The following APBB2 variants were observed in gnomAD, a reference collection of about 807,000 sequenced individuals.
The protein encoded by APBB2 is amyloid beta precursor protein binding family B member 2.
A neutral mutation model predicts 82.5 loss-of-function variants in APBB2; 38 were observed. The observed-to-expected ratio is 0.46, with a 90% confidence interval of 0.36 to 0.60. The LOEUF (loss-of-function observed/expected upper bound fraction) is 0.60. APBB2 is among the 20% of genes least tolerant of loss of function. The probability of loss-of-function intolerance (pLI) is 0.00; values close to 1 mark genes in which losing one functional copy is unlikely to be tolerated. For missense variants in APBB2, 772 were observed against 972.3 expected (o/e 0.79, Z 2.74); for synonymous variants, 341 against 368.2 (o/e 0.93, Z 0.85).
chr4:41,144,469 T>C (rs576702362), intron 1 of APBB2, among the ~76,000 whole-genome samples: 1 of 152,346 alleles, frequency 6.6e-6, no homozygotes, highest in Admixed American at 6.5e-5. Context: ...TTTTCCAAAT[T>C]TTCTACAATT....
chr4:40,931,785 A>T (rs551430571), intron 10 of APBB2, among the ~76,000 whole-genome samples: 21 of 149,118 alleles, frequency 1.4e-4, no homozygotes, highest in African/African-American at 5.2e-4. Flanking sequence ...TTATTCTCTT[A>T]TATTTTCTGT....
chr4:41,000,491 A>G (rs1174830126), intron 6 of APBB2, among the ~76,000 whole-genome samples: 1 of 152,162 alleles, frequency 6.6e-6, no homozygotes, highest in Non-Finnish European at 1.5e-5. Context: ...AGGAACCTGG[A>G]GCTCACAGGT....
At chr4:40,838,758 C>T (rs1047412232) in intron 12 of APBB2, among the ~76,000 whole-genome samples, 16 of 152,188 alleles carry the variant, frequency 1.1e-4, no homozygotes, top group African/African-American at 3.9e-4. Context: ...CGTGAGCCAC[C>T]ATGCCTGGCA....
At chr4:41,105,623 G>A (rs1299232705) in intron 2 of APBB2, among the ~76,000 whole-genome samples, 1 of 152,142 alleles carries the variant, frequency 6.6e-6, no homozygotes, top group Non-Finnish European at 1.5e-5. Context: ...AGTGGCTCAC[G>A]CCTGTAATCC....
intron 2 of APBB2, among the ~76,000 whole-genome samples, chr4:41,101,470 CAAAAAAAAAAAAAAAAAAA>C (rs150527764): frequency 4.1e-5 from 3 of 72,524 alleles, no homozygotes; most frequent in African/African-American, 5.6e-5. Context: ...GACTCCGTCT[CAAAAAAAAAAAAAAAAAAA>C]AAAAAAAAAA....
chr4:41,174,507 G>A (rs1348236471), intron 1 of APBB2, among the ~76,000 whole-genome samples: 2 of 152,106 alleles, frequency 1.3e-5, no homozygotes, highest in African/African-American at 4.8e-5. Context: ...CTGAGCACAA[G>A]ACTACTCAAT....
intron 7 of APBB2, among the ~76,000 whole-genome samples, chr4:40,941,424 A>G (rs1786885989): frequency 6.6e-6 from 1 of 152,344 alleles, no homozygotes; most frequent in Admixed American, 6.5e-5. Context: ...AAGGGATTCA[A>G]GAGTCTCCAA....
intron 12 of APBB2, among the ~76,000 whole-genome samples, chr4:40,888,069 T>C (rs1181214482): frequency 1.3e-5 from 2 of 152,242 alleles, no homozygotes; most frequent in East Asian, 1.9e-4. Flanking sequence ...CGACCTCCAC[T>C]GTCTTTAAAA....
chr4:41,000,881 G>GA (rs1805026424), intron 6 of APBB2, among the ~76,000 whole-genome samples: 1 of 152,148 alleles, frequency 6.6e-6, no homozygotes, highest in Non-Finnish European at 1.5e-5. Context: ...AGGAGACAGA[G>GA]AGAGAGATAG....
intron 12 of APBB2, among the ~76,000 whole-genome samples, chr4:40,833,442 C>G (rs571943181): frequency 1.2e-4 from 18 of 152,350 alleles, no homozygotes; most frequent in African/African-American, 4.3e-4. Flanking sequence ...CAGCGCACGC[C>G]CATCTACTCA....
At chr4:41,004,469 T>C (rs2154422827) in intron 6 of APBB2, among the ~76,000 whole-genome samples, 1 of 152,300 alleles carries the variant, frequency 6.6e-6, no homozygotes, top group African/African-American at 2.4e-5. Context: ...ATGTGAGCTA[T>C]GTGACATCAC....
intron 2 of APBB2, among the ~76,000 whole-genome samples, chr4:41,117,817 C>G (rs1751542284): frequency 1.3e-5 from 2 of 152,152 alleles, no homozygotes; most frequent in Non-Finnish European, 2.9e-5. Context: ...TTTATTTCAA[C>G]AACATCTGTG....
At chr4:40,865,251 G>C (rs920275681) in intron 12 of APBB2, among the ~76,000 whole-genome samples, 1 of 152,150 alleles carries the variant, frequency 6.6e-6, no homozygotes, top group Non-Finnish European at 1.5e-5. Flanking sequence ...GGTACTGCAT[G>C]CACAGGGACA....
intron 3 of APBB2, among the ~76,000 whole-genome samples, chr4:41,087,934 TG>T (rs1227047726): frequency 2.0e-5 from 3 of 152,160 alleles, no homozygotes; most frequent in African/African-American, 7.2e-5. Context: ...AATAGATGCG[TG>T]GGCCTCCACA....
At position 41,127,746 on chromosome 4, in the gene APBB2, C is replaced by A. The variant is rs764985059; in HGVS notation, c.-261+15241G>T. Among the ~76,000 whole-genome samples the A allele has an allele frequency of 6.6e-6, 1 of 151,700 alleles. No individual in the cohort carries two copies. Among genetic ancestry groups the A allele is most frequent in the Non-Finnish European group, 1.5e-5 (1 of 67,924 alleles). On this transcript the variant is annotated intron_variant, in intron 2 of 17. Coordinates refer to ENST00000508593, the MANE Select transcript of APBB2 (RefSeq NM_004307.2). This position sits in a 1 kb window ranked among gnomAD's most constrained non-coding sequence, Gnocchi z 4.8. ...CTGTAATCCCAGCACTTTGGGAGGC[C>A]GAGGTGGGTGGATTACCTGAGGTCA...
At chr4:40,846,093 T>G (rs899178775) in intron 12 of APBB2, among the ~76,000 whole-genome samples, 3 of 151,808 alleles carry the variant, frequency 2.0e-5, no homozygotes, top group Non-Finnish European at 2.9e-5. Context: ...AGCCTCTTTG[T>G]TTTTCAGTTT....
At chr4:41,065,033 C>T (rs1294880473) in intron 4 of APBB2, among the ~76,000 whole-genome samples, 1 of 152,180 alleles carries the variant, frequency 6.6e-6, no homozygotes, top group East Asian at 1.9e-4. Flanking sequence ...TGCCTGTAAT[C>T]CAGAAACTTT....
chr4:40,860,489 G>C (rs1331477895), intron 12 of APBB2, among the ~76,000 whole-genome samples: 1 of 152,176 alleles, frequency 6.6e-6, no homozygotes, highest in Non-Finnish European at 1.5e-5. Flanking sequence ...GGACACCGTG[G>C]GGAGAGGACA....
intron 3 of APBB2, among the ~76,000 whole-genome samples, chr4:41,088,478 C>T (rs1201652463): frequency 6.6e-6 from 1 of 152,180 alleles, no homozygotes; most frequent in Non-Finnish European, 1.5e-5. Flanking sequence ...TTAGGATCTG[C>T]GCTGTGAGAG....
Sources: gnomAD v4.1 joint callset for allele counts (sites outside exome capture counted in the v4.1 genomes callset) on GRCh38, gnomAD v4.1.1 for gene constraint, Gnocchi (gnomAD v3.1) non-coding constraint, MANE v1.5 for transcripts, NCBI Gene and HGNC (gene_info 2026-07-23, HGNC 2026-07-21) for gene names.